Variants in LMTK2 observed in about 807,000 individuals in gnomAD.
LMTK2 encodes lemur tail kinase 2, also known as serine/threonine-protein kinase LMTK2.
Under a neutral mutation model 127.5 loss-of-function variants are expected in LMTK2, and 37 were observed. The observed-to-expected ratio is 0.29, with a 90% CI of 0.22 to 0.38. LMTK2 has a LOEUF of 0.38. Among genes scored for constraint, LMTK2 ranks in the 10% least tolerant of loss-of-function variants. LMTK2 has a pLI of 1.00. For missense variants in LMTK2, 1,694 were observed against 1,920.3 expected (o/e 0.88, Z 2.20); for synonymous variants, 819 against 810.1 (o/e 1.01, Z -0.19).
At chr7:98,118,956 G>A (rs1202461709) in intron 1 of LMTK2, among the ~76,000 whole-genome samples, 1 of 152,208 alleles carries the variant, frequency 6.6e-6, no homozygotes, top group Non-Finnish European at 1.5e-5. Context: ...GCCAGGTGTG[G>A]TGGCGGGTGC....
At chr7:98,129,108 T>C (rs1796484523) in intron 1 of LMTK2, among the ~76,000 whole-genome samples, 1 of 151,838 alleles carries the variant, frequency 6.6e-6, no homozygotes, top group South Asian at 2.1e-4. Flanking sequence ...AGTCTCACTG[T>C]GTCACCCAGG....
intron 6 of LMTK2, among the ~76,000 whole-genome samples, chr7:98,160,330 G>A (rs1796999528): frequency 6.6e-6 from 1 of 152,220 alleles, no homozygotes; most frequent in East Asian, 1.9e-4. Context: ...TAATTCCTAA[G>A]TGTGATTCGA....
intron 7 of LMTK2, among the ~76,000 whole-genome samples, chr7:98,182,183 A>T (rs1797365459): frequency 1.3e-5 from 2 of 152,236 alleles, no homozygotes. Flanking sequence ...TATGACAGTG[A>T]TTTATTCAGC....
chr7:98,194,322 A>T lies in LMTK2; in HGVS notation c.3857A>T (p.Glu1286Val). The change falls in exon 11 of 14, where the codon GAG becomes GTG. Residue 1286 changes from glutamate to valine, a missense_variant. Physicochemically the swap from Glu to Val is moderately radical, Grantham distance 121. Coordinates refer to ENST00000297293, the MANE Select transcript of LMTK2 (RefSeq NM_014916.4). The surrounding 1 kb of genome is among the most constrained non-coding windows in gnomAD (Gnocchi z 5.4). ...TCAGAGGACGGGATGGATGCAGACG[A>T]GGAGGACGAAAACAGCGACGACTCG... ...DLSEDGMDAD[E>V]EDENSDDSDE... 6.2e-7 allele frequency: 1 copy of T among 1,614,128 alleles called. No homozygotes were observed. Among genetic ancestry groups the T allele is most frequent in the South Asian group, 1.1e-5 (1 of 91,082 alleles).
chr7:98,197,433 C>A (rs1033606725), intron 11 of LMTK2, among the ~76,000 whole-genome samples: 1 of 152,234 alleles, frequency 6.6e-6, no homozygotes, highest in African/African-American at 2.4e-5. Context: ...GCATCGCATT[C>A]GACTTTTAGC....
intron 4 of LMTK2, 89 bp downstream of exon 4, chr7:98,151,544 C>G (rs1242793287): frequency 9.1e-7 from 1 of 1,097,152 alleles, no homozygotes; most frequent in African/African-American, 1.6e-5. Flanking sequence ...TGTGGAGTTC[C>G]ACGTGCCCTG....
At position 98,113,419 on chromosome 7, in the gene LMTK2, T is replaced by G. The variant is rs911698966; in HGVS notation, c.103+6139T>G. ...AATTACCCAGTCTTGAGCGATTCTT[T>G]ATAGCACTGTAAGAATGGACTAATA... On this transcript the variant is annotated intron_variant, in intron 1 of 13. Transcript: ENST00000297293. Among the ~76,000 whole-genome samples the G allele has an allele frequency of 2.6e-5, 4 of 152,196 alleles. No homozygotes were observed. In the East Asian group the frequency reaches 5.8e-4, roughly 22 times the overall value.
chr7:98,180,889 G>A (rs920859450), intron 7 of LMTK2, among the ~76,000 whole-genome samples: 1 of 152,014 alleles, frequency 6.6e-6, no homozygotes, highest in Non-Finnish European at 1.5e-5. Flanking sequence ...ACTCTTTCAG[G>A]TCGGGCCGGG....
In LMTK2 at chr7:98,206,722, C is replaced by T. The variant is rs1435329486; in HGVS notation, c.*1230C>T. The T allele has an allele frequency of 6.6e-6, 1 of 152,340 alleles. No homozygotes were observed. Among genetic ancestry groups the T allele is most frequent in the Non-Finnish European group, 1.5e-5 (1 of 68,168 alleles). 9.4% of individuals were successfully genotyped at this position (152,340 alleles called of 1,614,324 possible). A position where few individuals can be genotyped will look rare whatever the true frequency, so the allele number is the denominator to read the frequency against. On this transcript the variant is annotated 3_prime_UTR_variant, in exon 14 of 14. Coordinates refer to ENST00000297293, the MANE Select transcript of LMTK2 (RefSeq NM_014916.4). ...GGGGACTTGAGCTTTAAAAAAACCT[C>T]CACAGCCGAATCTTCTCCTCCGAGC...
intron 13 of LMTK2, among the ~76,000 whole-genome samples, chr7:98,205,149 C>G (rs1188729606): frequency 6.6e-6 from 1 of 152,242 alleles, no homozygotes; most frequent in Non-Finnish European, 1.5e-5. Flanking sequence ...TTATTTCCCT[C>G]GGCGCTAGGC....
intron 2 of LMTK2, among the ~76,000 whole-genome samples, chr7:98,139,543 A>C (rs1338136589): frequency 1.3e-5 from 2 of 152,200 alleles, no homozygotes; most frequent in East Asian, 3.8e-4. Context: ...TGATGGACAA[A>C]ATCATTTTAC....
chr7:98,188,590 G>A (rs970096416), intron 9 of LMTK2, among the ~76,000 whole-genome samples: 2 of 152,074 alleles, frequency 1.3e-5, no homozygotes, highest in Non-Finnish European at 1.5e-5. Flanking sequence ...GAGCCATCGC[G>A]CCCAACCCTC....
At chr7:98,122,718 GTGTGTGTGTA>G (rs774786634) in intron 1 of LMTK2, among the ~76,000 whole-genome samples, 1,213 of 40,960 alleles carry the variant, frequency 0.03, 29 homozygotes, top group Admixed American at 0.072. Flanking sequence ...GTGTGTGTGT[GTGTGTGTGTA>G]TATATATAAC....
At chr7:98,176,740 G>C (rs1177327538) in intron 7 of LMTK2, among the ~76,000 whole-genome samples, 1 of 152,164 alleles carries the variant, frequency 6.6e-6, no homozygotes, top group Non-Finnish European at 1.5e-5. Flanking sequence ...CCAGCTACTT[G>C]GGAGGCTGAG....
At chr7:98,200,818 T>G (rs1797694841) in intron 11 of LMTK2, among the ~76,000 whole-genome samples, 1 of 149,602 alleles carries the variant, frequency 6.7e-6, no homozygotes, top group Non-Finnish European at 1.5e-5. Flanking sequence ...TTATTTATTT[T>G]GTTGTTGTTG....
intron 1 of LMTK2, among the ~76,000 whole-genome samples, chr7:98,120,729 C>G (rs1231621958): frequency 6.6e-6 from 1 of 152,140 alleles, no homozygotes; most frequent in African/African-American, 2.4e-5. Context: ...GCGGTTGCTT[C>G]CCCGGATCCA....
At chr7:98,141,357 T>A (rs768607907) in intron 2 of LMTK2, 40 bp from the exon 3 acceptor site, 1 of 1,584,884 alleles carries the variant, frequency 6.3e-7, no homozygotes, top group East Asian at 2.2e-5. Context: ...ATTTTAAATG[T>A]TAGCCAATGG....
chr7:98,150,460 C>T (rs1476571466), intron 3 of LMTK2, among the ~76,000 whole-genome samples: 1 of 152,180 alleles, frequency 6.6e-6, no homozygotes, highest in Non-Finnish European at 1.5e-5. Flanking sequence ...AAGCAGTTGG[C>T]AGCTTCTTGA....
intron 3 of LMTK2, among the ~76,000 whole-genome samples, chr7:98,149,308 G>A (rs958497895): frequency 4.6e-5 from 7 of 152,206 alleles, no homozygotes; most frequent in Admixed American, 2.0e-4. Context: ...GTAAGTTAAA[G>A]CTACAAAGAT....
Sources: allele counts gnomAD v4.1 joint callset (sites outside exome capture counted in the v4.1 genomes callset), GRCh38; gene constraint gnomAD v4.1.1; non-coding constraint Gnocchi (gnomAD v3.1); transcripts MANE v1.5; gene names NCBI Gene and HGNC (gene_info 2026-07-23, HGNC 2026-07-21).